The following PCSK1 variants were observed in gnomAD, a reference collection of about 807,000 sequenced individuals.
PCSK1 encodes proprotein convertase subtilisin/kexin type 1.
A neutral mutation model predicts 90.6 loss-of-function variants in PCSK1; 56 were observed. The ratio of observed to expected loss-of-function variants is 0.62; its 90% CI spans 0.50 to 0.77. PCSK1 has a LOEUF of 0.77. Among genes scored for constraint, PCSK1 ranks in the 30% least tolerant of loss-of-function variants. PCSK1 has a pLI of 0.00. For missense variants in PCSK1, 801 were observed against 932.6 expected (o/e 0.86, Z 1.84); for synonymous variants, 348 against 342.4 (o/e 1.02, Z -0.18).
intron 9 of PCSK1, among the ~76,000 whole-genome samples, chr5:96,400,826 G>T (rs112655843): frequency 1.3e-5 from 2 of 149,824 alleles, no homozygotes; most frequent in Non-Finnish European, 3.0e-5. Flanking sequence ...GGTGGCTCAC[G>T]CCTGTAATCC....
intron 9 of PCSK1, among the ~76,000 whole-genome samples, chr5:96,408,005 G>T (rs984560067): frequency 3.9e-5 from 6 of 152,174 alleles, no homozygotes; most frequent in African/African-American, 1.4e-4. Context: ...ACAAAATAAC[G>T]TCTATATTAA....
rs775919898 is a variant in PCSK1 at position 96,392,974 on chromosome 5, T to A, written c.*27A>T. 1 of 1,613,140 alleles carries A rather than the reference T, an allele frequency of 6.2e-7. No homozygotes were observed. The highest frequency in any genetic ancestry group is 8.5e-7 in the Non-Finnish European group (1 of 1,179,204). Reference sequence around the variant, plus strand: ...GCAGGGTAAGGAAGAAGCATGAATATTTCCAACTTGGGACCACACACTTAT... The same window carrying A: ...GCAGGGTAAGGAAGAAGCATGAATAATTCCAACTTGGGACCACACACTTAT... On this transcript the variant is annotated 3_prime_UTR_variant, in exon 14 of 14. Coordinates refer to ENST00000311106, the MANE Select transcript of PCSK1 (RefSeq NM_000439.5).
In PCSK1 at chr5:96,393,026, A is replaced by C; in HGVS notation, c.2237T>G (p.Val746Gly). Residue 746 changes from valine to glycine, a missense_variant, in exon 14 of 14, where the codon GTG (valine) becomes GGG (glycine). Coordinates refer to ENST00000311106, the MANE Select transcript of PCSK1 (RefSeq NM_000439.5). The part of the protein sequence containing the change: ...HRDDRLLQAL[V>G]DILNEEN ...TTAATTTTCCTCATTCAGAATGTCC[A>C]CCAGAGCTTGAAGCAGCCGGTCGTC... The C allele has an allele frequency of 6.2e-7, 1 of 1,614,174 alleles. No homozygotes were observed. The highest frequency in any genetic ancestry group is 8.5e-7 in the Non-Finnish European group (1 of 1,180,016).
rs1760197829 is a variant in PCSK1, at chr5:96,397,505, A to G, written c.1589-36T>C. On this transcript the variant is annotated intron_variant, in intron 11 of 13. Coordinates refer to ENST00000311106, the MANE Select transcript of PCSK1 (RefSeq NM_000439.5). ...AATACAAGTTAATGAATGTCCTAAT[A>G]GCTCTGATAGTAGGATACACTCTAG... is the stretch of plus-strand genomic sequence containing the variant. 7.0e-6 allele frequency: 11 copies of G among 1,579,704 alleles called. No individual in the cohort carries two copies. In the East Asian group the frequency reaches 2.5e-4, roughly 35 times the overall value.
chr5:96,417,083 G>A (rs942725856), intron 5 of PCSK1, among the ~76,000 whole-genome samples: 6 of 152,184 alleles, frequency 3.9e-5, no homozygotes, highest in African/African-American at 1.4e-4. Flanking sequence ...GTGAAAGAGA[G>A]GAAGGGTTAG....
At chr5:96,418,779 C>A (rs436321) in intron 5 of PCSK1, among the ~76,000 whole-genome samples, 56,688 of 151,964 alleles carry the variant, frequency 0.37, 10,824 homozygotes, top group East Asian at 0.46. Flanking sequence ...AGGATGCCAC[C>A]TTTTTGGTTG....
At position 96,432,874 on chromosome 5, in the gene PCSK1, G is replaced by T; in HGVS notation, c.169C>A (p.Leu57Ile). The change falls in exon 1 of 14, where the codon CTT (leucine) becomes ATT (isoleucine). Residue 57 changes from leucine (L) to isoleucine (I), a missense_variant. By Grantham distance (5) the Leu-to-Ile change is conservative. Coordinates refer to ENST00000311106, the MANE Select transcript of PCSK1 (RefSeq NM_000439.5). ...SAIAEELGYDLLGQIGSLENH... is the reference protein window; with the variant it reads ...SAIAEELGYDILGQIGSLENH... ...GTGGAAACTCTTACCTGACCCAAAA[G>T]GTCATAGCCCAGCTCCTCGGCGATG... 1 of 1,613,678 alleles carries T rather than the reference G, an allele frequency of 6.2e-7. No homozygotes were observed. The highest frequency in any genetic ancestry group is 2.2e-5 in the East Asian group (1 of 44,868).
Position 96,433,215 on chromosome 5 carries a change from C to G in PCSK1, c.-173G>C, listed in dbSNP as rs1186612479. The stretch of plus-strand genomic sequence containing the variant: ...AGAGGAGAGGCTGGGCGGCGGCGAG[C>G]GCTCAGTGAAGCGCTTCGGTCTCCA... On this transcript the variant is annotated 5_prime_UTR_variant, in exon 1 of 14. Transcript: ENST00000311106. 4 of 668,624 alleles carry G rather than the reference C, an allele frequency of 6.0e-6. No homozygotes were observed. The highest frequency in any genetic ancestry group is 3.3e-5 in the South Asian group (2 of 60,402). The allele number at this position is 668,624 out of a possible 1,614,324, so 41.4% of individuals were successfully genotyped here.
rs778459381 is a variant in PCSK1 at position 96,397,346 on chromosome 5, A to T, written c.1712T>A (p.Ile571Asn). The change falls in exon 12 of 14, where the codon ATT (isoleucine) becomes AAT (asparagine). Residue 571 changes from isoleucine to asparagine, a missense_variant. Coordinates refer to ENST00000311106, the MANE Select transcript of PCSK1 (RefSeq NM_000439.5). The stretch of plus-strand genomic sequence containing the variant: ...CTCATTCACACTTACCATGTCTGTA[A>T]TTCTCAAAGTCCAAGTACCTATAGG... The part of the protein sequence containing the change: ...ENPIGTWTLR[I>N]TDMSGRIQNE... 1.1e-5 allele frequency: 17 copies of T among 1,613,262 alleles called. No individual in the cohort carries two copies. The highest frequency in any genetic ancestry group is 1.4e-5 in the Non-Finnish European group (17 of 1,179,256).
chr5:96,411,514 G>C (rs942986910), intron 7 of PCSK1, among the ~76,000 whole-genome samples: 2 of 152,166 alleles, frequency 1.3e-5, no homozygotes, highest in African/African-American at 4.8e-5. Context: ...ATCTTATGGA[G>C]CACAAGGCTT....
intron 1 of PCSK1, chr5:96,432,001 C>A: frequency 1.0e-6 from 1 of 986,574 alleles, no homozygotes; most frequent in South Asian, 1.4e-5. Flanking sequence ...CGCCCACCCA[C>A]CTCCAACCAG....
Position 96,397,475 on chromosome 5 carries a change from A to G in PCSK1, c.1589-6T>C. The G allele has an allele frequency of 6.2e-7, 1 of 1,610,982 alleles. No individual in the cohort carries two copies. The highest frequency in any genetic ancestry group is 8.5e-7 in the Non-Finnish European group (1 of 1,177,162). On this transcript the variant is annotated splice_polypyrimidine_tract_variant and splice_region_variant and intron_variant, in intron 11 of 13. Transcript: ENST00000311106. ...CAAGAGCACAGTGCTAGTTCCTATGAAACAAATACAAGTTAATGAATGTCC... is the reference window on the plus strand; with the variant it reads ...CAAGAGCACAGTGCTAGTTCCTATGGAACAAATACAAGTTAATGAATGTCC...
At chr5:96,417,468 C>A (rs1189636357) in intron 5 of PCSK1, among the ~76,000 whole-genome samples, 1 of 151,964 alleles carries the variant, frequency 6.6e-6, no homozygotes, top group Non-Finnish European at 1.5e-5. Flanking sequence ...AGACAACTTT[C>A]AAGGACTGAT....
intron 8 of PCSK1, among the ~76,000 whole-genome samples, chr5:96,409,941 T>C (rs1760697732): frequency 6.6e-6 from 1 of 152,214 alleles, no homozygotes; most frequent in African/African-American, 2.4e-5. Flanking sequence ...ATAGGAATCT[T>C]GCACGCATTC....
intron 11 of PCSK1, among the ~76,000 whole-genome samples, 170 bp from the exon 12 acceptor site, chr5:96,397,639 T>C (rs1673161455): frequency 6.6e-6 from 1 of 152,230 alleles, no homozygotes; most frequent in Admixed American, 6.5e-5. Context: ...GATGTTTTTA[T>C]CTATAGTGCT....
At chr5:96,432,160 G>C in intron 1 of PCSK1, 6 of 1,533,416 alleles carry the variant, frequency 3.9e-6, no homozygotes, top group Non-Finnish European at 5.2e-6. Context: ...GGGACTGGCC[G>C]GGCAAAGTTA....
chr5:96,428,270 C>A (rs1272744486), intron 2 of PCSK1, among the ~76,000 whole-genome samples: 1 of 152,096 alleles, frequency 6.6e-6, no homozygotes, highest in Non-Finnish European at 1.5e-5. Context: ...TATTTTCCCC[C>A]TGGGAAGTTG....
At chr5:96,412,650 A>G (rs1224920972) in intron 6 of PCSK1, among the ~76,000 whole-genome samples, 160 bp from the exon 7 acceptor site, 3 of 151,870 alleles carry the variant, frequency 2.0e-5, no homozygotes, top group Non-Finnish European at 4.4e-5. Flanking sequence ...CCAGCTACTG[A>G]CACCACAGAA....
Position 96,402,080 on chromosome 5 carries a change from T to A in PCSK1, c.1197-1894A>T, listed in dbSNP as rs368667468. Among the ~76,000 whole-genome samples the A allele has an allele frequency of 1.8e-4, 27 of 152,188 alleles. 1 individual carries two copies. Among genetic ancestry groups the A allele is most frequent in the African/African-American group, 6.3e-4 (26 of 41,444 alleles). On this transcript the variant is annotated intron_variant, in intron 9 of 13. Coordinates refer to ENST00000311106, the MANE Select transcript of PCSK1 (RefSeq NM_000439.5). ...TCAGCACTCGGTTGGAGAACAATCA[T>A]CAGGGGAGTCTGGCTCACTTTGCTG...
Sources: gnomAD v4.1 joint callset for allele counts (sites outside exome capture counted in the v4.1 genomes callset) on GRCh38, gnomAD v4.1.1 for gene constraint, MANE v1.5 for transcripts, NCBI Gene and HGNC (gene_info 2026-07-23, HGNC 2026-07-21) for gene names.